SLIT2: variants seen among roughly 807,000 people sequenced by gnomAD.
SLIT2 encodes the protein slit guidance ligand 2, also known as slit homolog 2 protein.
A neutral mutation model predicts 185.7 loss-of-function variants in SLIT2; 41 were observed. The ratio of observed to expected loss-of-function variants is 0.22; its 90% CI spans 0.17 to 0.29. The LOEUF (loss-of-function observed/expected upper bound fraction) is 0.29, where lower values mean the gene tolerates loss of function less well. Among genes scored for constraint, SLIT2 ranks in the 10% least tolerant of loss-of-function variants. The pLI is 1.00. For synonymous variants in SLIT2, 693 were observed against 680.2 expected (o/e 1.02, Z -0.29); for missense variants, 1,571 against 1,909.0 (o/e 0.82, Z 3.30).
At chr4:20,439,219 G>A (rs1729568068) in intron 4 of SLIT2, among the ~76,000 whole-genome samples, 1 of 152,186 alleles carries the variant, frequency 6.6e-6, no homozygotes, top group Non-Finnish European at 1.5e-5. Context: ...ACACATAGAG[G>A]TGAAATGCCT....
chr4:20,537,213 A>G (rs1398356318), intron 18 of SLIT2, among the ~76,000 whole-genome samples: 2 of 152,186 alleles, frequency 1.3e-5, no homozygotes, highest in African/African-American at 2.4e-5. Context: ...AGTGTTTGCT[A>G]TACTTTTATA....
intron 29 of SLIT2, among the ~76,000 whole-genome samples, chr4:20,586,654 A>T (rs1727089266): frequency 6.6e-6 from 1 of 152,244 alleles, no homozygotes. Context: ...AGCATGATAT[A>T]AATGCTCATT....
chr4:20,535,590 C>T (rs1020520980), intron 18 of SLIT2, among the ~76,000 whole-genome samples: 1 of 152,084 alleles, frequency 6.6e-6, no homozygotes, highest in Non-Finnish European at 1.5e-5. Context: ...ATTGCTTACA[C>T]AACAGAAACT....
At chr4:20,260,118 G>A (rs1208458368) in intron 3 of SLIT2, among the ~76,000 whole-genome samples, 1 of 151,722 alleles carries the variant, frequency 6.6e-6, no homozygotes, top group Non-Finnish European at 1.5e-5. Context: ...TCATTGTATT[G>A]ATTTAAAAAA....
At chr4:20,356,955 G>A (rs1577492737) in intron 4 of SLIT2, among the ~76,000 whole-genome samples, 1 of 152,050 alleles carries the variant, frequency 6.6e-6, no homozygotes, top group African/African-American at 2.4e-5. Flanking sequence ...TGTAGGGCGT[G>A]CAAGTTTAAA....
intron 4 of SLIT2, among the ~76,000 whole-genome samples, chr4:20,328,397 G>A (rs1719771807): frequency 6.6e-6 from 1 of 151,980 alleles, no homozygotes; most frequent in Non-Finnish European, 1.5e-5. Flanking sequence ...ATATTTTAAT[G>A]TTAAACAAAT....
intron 9 of SLIT2, among the ~76,000 whole-genome samples, chr4:20,500,967 T>C (rs2148812874): frequency 6.6e-6 from 1 of 152,306 alleles, no homozygotes; most frequent in East Asian, 1.9e-4. Context: ...AAGTCAGTAT[T>C]ATTTTATCTC....
chr4:20,399,330 C>A (rs1726172692), intron 4 of SLIT2, among the ~76,000 whole-genome samples: 1 of 151,498 alleles, frequency 6.6e-6, no homozygotes, highest in South Asian at 2.1e-4. Context: ...AGTGCCTATA[C>A]CACAGTCTTA....
chr4:20,326,457 T>C (rs185171051), intron 4 of SLIT2, among the ~76,000 whole-genome samples: 42 of 152,186 alleles, frequency 2.8e-4, no homozygotes, highest in Admixed American at 1.6e-3. Context: ...AAATCCCATA[T>C]GGATTTCTAT....
intron 4 of SLIT2, among the ~76,000 whole-genome samples, chr4:20,347,427 A>C (rs1310878233): frequency 6.6e-6 from 1 of 152,150 alleles, no homozygotes; most frequent in African/African-American, 2.4e-5. Flanking sequence ...TGATTTCATG[A>C]GTCTATTGCA....
intron 4 of SLIT2, among the ~76,000 whole-genome samples, chr4:20,305,894 A>G (rs892821139): frequency 6.9e-6 from 1 of 145,126 alleles, no homozygotes; most frequent in Admixed American, 6.8e-5. Context: ...TAATAATAAT[A>G]ATAATAATAA....
In SLIT2 at chr4:20,619,173, A is replaced by T. The variant is rs1168482142; in HGVS notation, c.*164A>T. 2 of 682,158 alleles carry T rather than the reference A, an allele frequency of 2.9e-6. No homozygotes were observed. The highest frequency in any genetic ancestry group is 4.5e-6 in the Non-Finnish European group (2 of 441,504). The allele number at this position is 682,158 out of a possible 1,614,324, so 42.3% of individuals were successfully genotyped here. ...ACTTTTTTTCTGCATTTGGAAAAAAAAAAAAAGAAATGCTTGAACTAAAGC... is the reference window on the plus strand; with the variant it reads ...ACTTTTTTTCTGCATTTGGAAAAAATAAAAAAGAAATGCTTGAACTAAAGC... On this transcript the variant is annotated 3_prime_UTR_variant, in exon 37 of 37. Transcript: ENST00000504154.
intron 4 of SLIT2, among the ~76,000 whole-genome samples, chr4:20,442,363 C>T (rs1408153644): frequency 6.6e-6 from 1 of 151,782 alleles, no homozygotes; most frequent in African/African-American, 2.4e-5. Context: ...ACTAAAAATA[C>T]ACACAAAAAA....
chr4:20,304,631 G>A (rs1237980383), intron 4 of SLIT2, among the ~76,000 whole-genome samples: 1 of 152,154 alleles, frequency 6.6e-6, no homozygotes, highest in Non-Finnish European at 1.5e-5. Context: ...TGGAACAGCT[G>A]CCTTGCTGTT....
chr4:20,619,761 T>C lies in SLIT2; in HGVS notation c.*752T>C, dbSNP rs1729946512. The C allele has an allele frequency of 6.6e-6, 1 of 152,150 alleles. No homozygotes were observed. Among genetic ancestry groups the C allele is most frequent in the African/African-American group, 2.4e-5 (1 of 41,422 alleles). 9.4% of individuals were successfully genotyped at this position (152,150 alleles called of 1,614,324 possible). On this transcript the variant is annotated 3_prime_UTR_variant, in exon 37 of 37. Transcript: ENST00000504154. ...GAGTTCTAAACAGCCCTATACAGTA[T>C]TCAGTTTCCATGAGAAATATTTATT...
chr4:20,551,890 T>G (rs963018612), intron 25 of SLIT2, among the ~76,000 whole-genome samples: 17 of 152,216 alleles, frequency 1.1e-4, no homozygotes, highest in African/African-American at 4.1e-4. Flanking sequence ...ACATCTTCTT[T>G]GAATTGAATT....
At chr4:20,556,412 T>A (rs949683396) in intron 26 of SLIT2, among the ~76,000 whole-genome samples, 3 of 152,072 alleles carry the variant, frequency 2.0e-5, no homozygotes, top group Non-Finnish European at 2.9e-5. Context: ...ATAATGCTAA[T>A]GCTTATCTGT....
chr4:20,536,399 A>C (rs959344691), intron 18 of SLIT2, among the ~76,000 whole-genome samples: 2 of 152,088 alleles, frequency 1.3e-5, no homozygotes, highest in Non-Finnish European at 2.9e-5. Context: ...TCTACTAAAA[A>C]ATACAAAAAT....
At chr4:20,505,040 A>G (rs1199934552) in intron 9 of SLIT2, among the ~76,000 whole-genome samples, 3 of 152,114 alleles carry the variant, frequency 2.0e-5, no homozygotes, top group Non-Finnish European at 1.5e-5. Context: ...GGAGTCTACC[A>G]TATATGCTGT....
Sources: allele counts gnomAD v4.1 joint callset (sites outside exome capture counted in the v4.1 genomes callset), GRCh38; gene constraint gnomAD v4.1.1; transcripts MANE v1.5; gene names NCBI Gene and HGNC (gene_info 2026-07-23, HGNC 2026-07-21).